The following BRD10 variants were observed in gnomAD, a reference collection of about 807,000 sequenced individuals.
BRD10 encodes the protein uncharacterized bromodomain-containing protein 10.
the BRD10 span, among the ~76,000 whole-genome samples, chr9:5,906,111 G>C: frequency 6.6e-6 from 1 of 151,700 alleles, no homozygotes; most frequent in Non-Finnish European, 1.5e-5. Flanking sequence ...CAGCTACTCA[G>C]AGGCTGAGGC....
chr9:5,892,397 T>C, the BRD10 span: 7 of 1,322,432 alleles, frequency 5.3e-6, no homozygotes, highest in African/African-American at 1.5e-5. Flanking sequence ...TATGAGATGA[T>C]GAATAGGGTG....
chr9:5,908,758 T>A, the BRD10 span: 1 of 1,544,144 alleles, frequency 6.5e-7, no homozygotes, highest in Non-Finnish European at 9.0e-7. Context: ...CTCACACTTT[T>A]GCTTGAATTT....
chr9:5,988,211 T>C, the BRD10 span: 3 of 636,910 alleles, frequency 4.7e-6, no homozygotes, highest in South Asian at 4.0e-5. Flanking sequence ...ACAAATTTTA[T>C]TGCGATATTT....
the BRD10 span, among the ~76,000 whole-genome samples, chr9:5,990,641 T>C: frequency 3.9e-5 from 6 of 152,220 alleles, no homozygotes; most frequent in African/African-American, 1.4e-4. Context: ...TTATGAGCTT[T>C]GATATTTATT....
At chr9:5,940,928 AT>A in the BRD10 span, among the ~76,000 whole-genome samples, 1 of 152,184 alleles carries the variant, frequency 6.6e-6, no homozygotes, top group Non-Finnish European at 1.5e-5. Flanking sequence ...TAAGACTTTC[AT>A]TTATCATCAC....
the BRD10 span, among the ~76,000 whole-genome samples, chr9:5,997,126 C>G: frequency 6.6e-6 from 1 of 152,168 alleles, no homozygotes; most frequent in African/African-American, 2.4e-5. Context: ...TTAGCGCCTG[C>G]CTACCTGAAA....
the BRD10 span, among the ~76,000 whole-genome samples, chr9:5,898,607 G>C: frequency 1.3e-5 from 2 of 152,162 alleles, no homozygotes; most frequent in Non-Finnish European, 2.9e-5. Context: ...AGCACTGACG[G>C]TTTATAGGGC....
chr9:5,933,578 A>G, the BRD10 span, among the ~76,000 whole-genome samples: 1 of 152,222 alleles, frequency 6.6e-6, no homozygotes, highest in Non-Finnish European at 1.5e-5. Flanking sequence ...GTCTATGGTC[A>G]CAAGATTAAG....
the BRD10 span, among the ~76,000 whole-genome samples, chr9:5,952,406 G>A: frequency 2.0e-5 from 3 of 152,132 alleles, no homozygotes; most frequent in Non-Finnish European, 4.4e-5. Context: ...ATATCCTTGT[G>A]TACACACATA....
At chr9:5,951,831 T>A in the BRD10 span, among the ~76,000 whole-genome samples, 8 of 152,212 alleles carry the variant, frequency 5.3e-5, no homozygotes, top group East Asian at 1.5e-3. Flanking sequence ...TATTTCCCTG[T>A]GAGACAGTTG....
At chr9:5,908,942 T>C in the BRD10 span, 2 of 501,540 alleles carry the variant, frequency 4.0e-6, no homozygotes, top group Non-Finnish European at 3.5e-6. Context: ...CAATGCATGA[T>C]ACTATCTGTG....
chr9:5,914,409 G>GTTTTTTTTTTTTTTTTTTTT, the BRD10 span, among the ~76,000 whole-genome samples: 7 of 106,924 alleles, frequency 6.5e-5, 1 homozygote, highest in Non-Finnish European at 3.6e-5. Flanking sequence ...AAATCCAGAT[G>GTTTTTTTTTTTTTTTTTTTT]GTTTTTTTTT....
the BRD10 span, among the ~76,000 whole-genome samples, chr9:5,939,247 T>G: frequency 6.6e-6 from 1 of 152,168 alleles, no homozygotes; most frequent in Non-Finnish European, 1.5e-5. Context: ...AAAACACTAC[T>G]ATTACATGTG....
chr9:6,007,598 C>A, the BRD10 span: 1 of 1,606,120 alleles, frequency 6.2e-7, no homozygotes, highest in Non-Finnish European at 8.5e-7. Flanking sequence ...CCTCCGATCA[C>A]CATCGCCTCC....
the BRD10 span, chr9:5,968,728 T>C: frequency 6.2e-7 from 1 of 1,613,944 alleles, no homozygotes; most frequent in Non-Finnish European, 8.5e-7. Context: ...GTACTCTTTG[T>C]ATTTTAATGG....
chr9:5,882,152 C>T, the BRD10 span, among the ~76,000 whole-genome samples: 1 of 152,120 alleles, frequency 6.6e-6, no homozygotes, highest in South Asian at 2.1e-4. Flanking sequence ...CCTAGCTCAA[C>T]GAACCCAGTA....
the BRD10 span, among the ~76,000 whole-genome samples, chr9:5,884,807 G>A: frequency 6.6e-6 from 1 of 152,154 alleles, no homozygotes; most frequent in Admixed American, 6.5e-5. Flanking sequence ...GTCACAAATG[G>A]CCATGGGATT....
the BRD10 span, among the ~76,000 whole-genome samples, chr9:6,008,454 C>A: frequency 1.3e-5 from 2 of 152,154 alleles, no homozygotes; most frequent in African/African-American, 4.8e-5. Context: ...AAGAAAGAGG[C>A]CCTGTCGCCA....
At chr9:5,926,094 T>C in the BRD10 span, among the ~76,000 whole-genome samples, 1 of 151,958 alleles carries the variant, frequency 6.6e-6, no homozygotes, top group South Asian at 2.1e-4. Context: ...ATTTCTGTAT[T>C]TTTAGTAGAG....
Sources: allele counts gnomAD v4.1 joint callset (sites outside exome capture counted in the v4.1 genomes callset), GRCh38; gene constraint gnomAD v4.1.1; transcripts MANE v1.5; gene names NCBI Gene and HGNC (gene_info 2026-07-23, HGNC 2026-07-21).